TTLL12: variants seen among roughly 807,000 people sequenced by gnomAD.
The protein encoded by TTLL12 is tubulin tyrosine ligase like 12.
In TTLL12, 77 loss-of-function variants were observed where a neutral mutation model predicts 79.6. The observed-to-expected ratio is 0.97, with a 90% CI of 0.81 to 1.17. TTLL12 has a LOEUF of 1.17. Among genes scored for constraint, TTLL12 ranks in the 50% most tolerant of loss-of-function variants. TTLL12 has a pLI of 0.00. For missense variants in TTLL12, 969 were observed against 895.9 expected (o/e 1.08, Z -1.04); for synonymous variants, 437 against 376.1 (o/e 1.16, Z -1.87).
chr22:43,168,480 GC>G, intron 13 of TTLL12, among the ~76,000 whole-genome samples: 1 of 151,998 alleles, frequency 6.6e-6, no homozygotes, highest in Middle Eastern at 3.4e-3. Flanking sequence ...TGGGGGTCTG[GC>G]ACAGGGAAGG....
intron 11 of TTLL12, 83 bp downstream of exon 11, chr22:43,171,736 C>T: frequency 1.6e-6 from 2 of 1,218,372 alleles, no homozygotes; most frequent in South Asian, 2.5e-5. Context: ...TGCCAGTCCT[C>T]CTAGGAGGCA....
chr22:43,168,168 A>C lies in TTLL12; in HGVS notation c.1784-9T>G. 6.2e-7 allele frequency: 1 copy of C among 1,613,820 alleles called. No individual in the cohort carries two copies. Among genetic ancestry groups the C allele is most frequent in the Non-Finnish European group, 8.5e-7 (1 of 1,179,814 alleles). On this transcript the variant is annotated splice_polypyrimidine_tract_variant and intron_variant, in intron 13 of 13. Coordinates refer to ENST00000216129, the MANE Select transcript of TTLL12 (RefSeq NM_015140.4). ...CTGCATCACCCGCCTTCCTGATGGC[A>C]AAGAGCGCAGCAGAGTGTGAAGGCT...
Position 43,187,086 on chromosome 22 carries a change from C to T in TTLL12, c.-17G>A, listed in dbSNP as rs1932206349. 3 of 1,139,190 alleles carry T rather than the reference C, an allele frequency of 2.6e-6. No individual in the cohort carries two copies. Among genetic ancestry groups the T allele is most frequent in the Non-Finnish European group, 3.2e-6 (3 of 930,548 alleles). 70.6% of individuals were successfully genotyped at this position (1,139,190 alleles called of 1,614,324 possible). On this transcript the variant is annotated 5_prime_UTR_variant, in exon 1 of 14. Coordinates refer to ENST00000216129, the MANE Select transcript of TTLL12 (RefSeq NM_015140.4). The stretch of plus-strand genomic sequence containing the variant: ...GGCCTCCATGGCGCCAGCACCCGCG[C>T]CGACTCCAGCGCCGCCACCGCCGCC...
intron 1 of TTLL12, among the ~76,000 whole-genome samples, chr22:43,184,306 T>C (rs1932128611): frequency 6.6e-6 from 1 of 152,250 alleles, no homozygotes; most frequent in South Asian, 2.1e-4. Context: ...ACTTGCCCTT[T>C]GGTGGCGTGA....
rs1209346165 is a variant in TTLL12 at position 43,173,814 on chromosome 22, G to A, written c.1242C>T (p.Asn414=). The A allele has an allele frequency of 1.2e-6, 2 of 1,603,670 alleles. No individual in the cohort carries two copies. Among genetic ancestry groups the A allele is most frequent in the Admixed American group, 3.3e-5 (2 of 59,994 alleles). The change falls in exon 9 of 14, where the codon AAC becomes AAT. Residue 414 remains asparagine, a synonymous_variant. Transcript: ENST00000216129. ...FQQRERWGED[N]HWICKPWNLA... is the part of the protein sequence containing the mutation. ...GGTTCCAGGGCTTGCAGATCCAGTG[G>A]TTGTCCTCGCCCCTGGGGAGCAGAA...
At chr22:43,180,634 T>G in intron 3 of TTLL12, 108 bp downstream of exon 3, 8 of 1,266,818 alleles carry the variant, frequency 6.3e-6, no homozygotes, top group Non-Finnish European at 8.9e-6. Context: ...CAGGAGAAAG[T>G]GAGTTGCTTG....
intron 1 of TTLL12, among the ~76,000 whole-genome samples, chr22:43,184,807 TG>T (rs1932139419): frequency 6.6e-6 from 1 of 152,204 alleles, no homozygotes; most frequent in Admixed American, 6.5e-5. Context: ...AACCCAGCTG[TG>T]AAATGGGGTG....
intron 13 of TTLL12, 38 bp from the exon 14 acceptor site, chr22:43,168,197 T>C: frequency 6.2e-7 from 1 of 1,604,112 alleles, no homozygotes; most frequent in Non-Finnish European, 8.5e-7. Context: ...GAAGGCTCGT[T>C]GGCCTCCACT....
intron 11 of TTLL12, among the ~76,000 whole-genome samples, chr22:43,171,434 G>A (rs1431156138): frequency 2.0e-5 from 3 of 152,338 alleles, no homozygotes; most frequent in East Asian, 1.9e-4. Flanking sequence ...GCAGCCAGCC[G>A]GACCAGGTGG....
chr22:43,180,648 T>C (rs1932031783), intron 3 of TTLL12, 94 bp downstream of exon 3: 7 of 1,396,140 alleles, frequency 5.0e-6, no homozygotes, highest in South Asian at 2.6e-5. Flanking sequence ...TTGCTTGCTC[T>C]GGCCGGCCCC....
intron 1 of TTLL12, among the ~76,000 whole-genome samples, chr22:43,183,481 A>C (rs1932109641): frequency 6.6e-6 from 1 of 152,188 alleles, no homozygotes; most frequent in Admixed American, 6.5e-5. Flanking sequence ...CTCACATTAC[A>C]CAGAAAGAGA....
At chr22:43,174,647 G>A (rs1306590703) in intron 6 of TTLL12, 32 bp from the exon 7 acceptor site, 4 of 1,520,152 alleles carry the variant, frequency 2.6e-6, no homozygotes. Context: ...GGTGATCCCG[G>A]CTCCCAAGTG....
chr22:43,173,988 T>C (rs968022159), intron 8 of TTLL12, among the ~76,000 whole-genome samples, 162 bp from the exon 9 acceptor site: 1 of 152,170 alleles, frequency 6.6e-6, no homozygotes, highest in Non-Finnish European at 1.5e-5. Context: ...AAGGAGGGGT[T>C]TGCCAGAGGC....
chr22:43,174,481 G>C lies in TTLL12; in HGVS notation c.1034+18C>G, dbSNP rs201930664. ...AAGCCCTGACTGGGAGGGCCCCTGC[G>C]GCCAGAGGTGCCCTCACCTGTAGTC... On this transcript the variant is annotated intron_variant, in intron 7 of 13. Transcript: ENST00000216129. 4 of 1,592,516 alleles carry C rather than the reference G, an allele frequency of 2.5e-6. No homozygotes were observed. Among genetic ancestry groups the C allele is most frequent in the East Asian group, 2.2e-5 (1 of 44,446 alleles).
chr22:43,176,100 T>A (rs938042577), intron 6 of TTLL12, among the ~76,000 whole-genome samples: 19 of 150,632 alleles, frequency 1.3e-4, no homozygotes, highest in African/African-American at 4.4e-4. Flanking sequence ...AAAAAAAATC[T>A]CCAGAAAGCC....
At position 43,167,162 on chromosome 22, in the gene TTLL12, G is replaced by A; in HGVS notation, c.*846C>T. On this transcript the variant is annotated 3_prime_UTR_variant, in exon 14 of 14. Coordinates refer to ENST00000216129, the MANE Select transcript of TTLL12 (RefSeq NM_015140.4). ...GAAGTTCTCATTGGAATCCTTTTCT[G>A]TCTGGCGCTCCACCGCCCACAATCA... is the stretch of plus-strand genomic sequence containing the variant. 1 of 531,280 alleles carries A rather than the reference G, an allele frequency of 1.9e-6. No homozygotes were observed. The allele number at this position is 531,280 out of a possible 1,614,324, so 32.9% of individuals were successfully genotyped here.
chr22:43,171,936 G>C (rs559144156), intron 10 of TTLL12, 36 bp from the exon 11 acceptor site: 36 of 1,593,742 alleles, frequency 2.3e-5, no homozygotes, highest in Non-Finnish European at 3.1e-5. Context: ...ATGGGTTCTT[G>C]AGCGGCCTTG....
chr22:43,170,041 G>A, intron 11 of TTLL12: 1 of 364,958 alleles, frequency 2.7e-6, no homozygotes, highest in South Asian at 2.0e-5. Flanking sequence ...GATCTTTCTG[G>A]CCTCAAGACT....
chr22:43,170,985 T>C (rs1484164477), intron 11 of TTLL12, among the ~76,000 whole-genome samples: 1 of 152,190 alleles, frequency 6.6e-6, no homozygotes, highest in African/African-American at 2.4e-5. Context: ...AACATACTCC[T>C]GCTGAAAAGA....
Sources: allele counts gnomAD v4.1 joint callset (sites outside exome capture counted in the v4.1 genomes callset), GRCh38; gene constraint gnomAD v4.1.1; transcripts MANE v1.5; gene names NCBI Gene and HGNC (gene_info 2026-07-23, HGNC 2026-07-21).